Variants in SPTBN1 observed in about 807,000 individuals in gnomAD.
SPTBN1 encodes the protein spectrin beta, non-erythrocytic 1.
A neutral mutation model predicts 266.4 loss-of-function variants in SPTBN1; 32 were observed. The observed-to-expected ratio is 0.12, with a 90% CI of 0.09 to 0.16. The LOEUF (loss-of-function observed/expected upper bound fraction) is 0.16. Among genes scored for constraint, SPTBN1 ranks in the 10% least tolerant of loss-of-function variants. The pLI is 1.00. For synonymous variants in SPTBN1, 1,336 were observed against 1,162.2 expected (o/e 1.15, Z -3.04); for missense variants, 2,296 against 3,067.1 (o/e 0.75, Z 5.94).
At chr2:54,615,669 T>C (rs1441377983) in intron 4 of SPTBN1, among the ~76,000 whole-genome samples, 1 of 152,228 alleles carries the variant, frequency 6.6e-6, no homozygotes, top group Non-Finnish European at 1.5e-5. Context: ...AGTCTGACTT[T>C]GGTGCCAGCC....
chr2:54,572,021 C>A (rs962496711), intron 2 of SPTBN1, among the ~76,000 whole-genome samples: 1 of 152,160 alleles, frequency 6.6e-6, no homozygotes, highest in Admixed American at 6.5e-5. Flanking sequence ...AACCTCCCCT[C>A]ATCCCCTTAA....
chr2:54,602,193 G>T (rs967536131), intron 3 of SPTBN1, among the ~76,000 whole-genome samples: 5 of 152,122 alleles, frequency 3.3e-5, no homozygotes, highest in African/African-American at 9.7e-5. Context: ...CTCCATAAAG[G>T]TCTCACTTGA....
At chr2:54,479,177 CAG>C (rs1460206544) in intron 1 of SPTBN1, among the ~76,000 whole-genome samples, 4 of 152,152 alleles carry the variant, frequency 2.6e-5, no homozygotes, top group African/African-American at 9.7e-5. Context: ...AGGCTGACTG[CAG>C]AGTCTTCTCT....
At chr2:54,622,264 C>CA in intron 8 of SPTBN1, 36 bp from the exon 9 acceptor site, 1 of 1,600,888 alleles carries the variant, frequency 6.2e-7, no homozygotes, top group Non-Finnish European at 8.5e-7. Flanking sequence ...TATGGAGTGA[C>CA]ATGATCTTTT....
At chr2:54,547,883 A>G (rs958361992) in intron 2 of SPTBN1, among the ~76,000 whole-genome samples, 2 of 151,906 alleles carry the variant, frequency 1.3e-5, no homozygotes, top group African/African-American at 2.4e-5. Context: ...GGTGGCTCAC[A>G]CCTGTAATCC....
intron 2 of SPTBN1, among the ~76,000 whole-genome samples, chr2:54,542,942 T>C (rs932547100): frequency 3.3e-5 from 5 of 152,252 alleles, no homozygotes; most frequent in African/African-American, 1.2e-4. Context: ...TTTAGGATTA[T>C]GTTTTTCTTA....
chr2:54,538,001 C>T (rs1671709837), intron 2 of SPTBN1, among the ~76,000 whole-genome samples: 1 of 152,112 alleles, frequency 6.6e-6, no homozygotes, highest in Non-Finnish European at 1.5e-5. Context: ...GGAAAGTTTG[C>T]TGGGAAGATG....
intron 26 of SPTBN1, chr2:54,652,508 A>G (rs1276793830): frequency 6.6e-6 from 1 of 152,106 alleles, no homozygotes; most frequent in Non-Finnish European, 1.5e-5. Flanking sequence ...CTTTATTTTC[A>G]GTCTTTTGCT....
At chr2:54,457,724 C>T (rs1693135191) in intron 1 of SPTBN1, among the ~76,000 whole-genome samples, 1 of 152,226 alleles carries the variant, frequency 6.6e-6, no homozygotes, top group Non-Finnish European at 1.5e-5. Flanking sequence ...CGGGGCTGCC[C>T]TTGGCCGAGG....
At chr2:54,654,959 CAGTTTCTTTCAAGGCCAT>C (rs774076270) in intron 27 of SPTBN1, 93 bp from the exon 28 acceptor site, 4 of 614,750 alleles carry the variant, frequency 6.5e-6, no homozygotes, top group Non-Finnish European at 9.1e-6. Flanking sequence ...GAAAGACCAT[CAGTTTCTTTCAAGGCCAT>C]CAGTTTCTTT....
rs780631106 is a variant in SPTBN1, at chr2:54,492,341, G to GTTTTTTTTTTTTTTTT, written c.-47-34024_-47-34023insTTTTTTTTTTTTTTTT. 3.4e-5 allele frequency among the ~76,000 whole-genome samples: 3 copies of GTTTTTTTTTTTTTTTT among 88,392 alleles called. 1 individual carries two copies. Among genetic ancestry groups the GTTTTTTTTTTTTTTTT allele is most frequent in the African/African-American group, 8.3e-5 (2 of 24,132 alleles). 58.0% of individuals were successfully genotyped at this position (88,392 alleles called of 152,430 possible). A position where few individuals can be genotyped will look rare whatever the true frequency, so the allele number is the denominator to read the frequency against. On this transcript the variant is annotated intron_variant, in intron 1 of 35. Coordinates refer to ENST00000356805, the MANE Select transcript of SPTBN1 (RefSeq NM_003128.3). ...CTGGACATTTAGTTTGTCTGCAGTTGTTTTTTTGTTTTTTTTTTTTTTTGC... is the reference window on the plus strand; with the variant it reads ...CTGGACATTTAGTTTGTCTGCAGTTGTTTTTTTTTTTTTTTTTTTTTTTGTTTTTTTTTTTTTTTGC...
Position 54,659,138 on chromosome 2 carries a change from C to G in SPTBN1, c.6244-16C>G, listed in dbSNP as rs769271952. ...GAGTTTGGGACTCTACCAAACATCA[C>G]TCTATTTTCTCTTAGTTGGAGTTAC... On this transcript the variant is annotated splice_polypyrimidine_tract_variant and intron_variant, in intron 30 of 35. Transcript: ENST00000356805. The G allele has an allele frequency of 6.2e-7, 1 of 1,613,224 alleles. No individual in the cohort carries two copies. The highest frequency in any genetic ancestry group is 1.7e-5 in the Admixed American group (1 of 59,998).
At chr2:54,598,997 C>T in intron 2 of SPTBN1, 95 bp from the exon 3 acceptor site, 1 of 1,470,244 alleles carries the variant, frequency 6.8e-7, no homozygotes, top group Non-Finnish European at 9.2e-7. Flanking sequence ...GTTTTGCTGA[C>T]CTTCCTCTGG....
chr2:54,477,715 C>T lies in SPTBN1; in HGVS notation c.-48+21197C>T, dbSNP rs142632344. Among the ~76,000 whole-genome samples, 940 of 152,208 alleles carry T rather than the reference C, an allele frequency of 6.2e-3. 8 individuals carry two copies. The highest frequency in any genetic ancestry group is 0.021 in the African/African-American group (883 of 41,514). On this transcript the variant is annotated intron_variant, in intron 1 of 35. Transcript: ENST00000356805. The stretch of plus-strand genomic sequence containing the variant: ...GAGCACGAGGTCAGGAGTTCGAGAC[C>T]AGCCTGGCTAATATGGTGAAACCCC...
chr2:54,523,923 G>A (rs764980477), intron 1 of SPTBN1, among the ~76,000 whole-genome samples: 1 of 152,226 alleles, frequency 6.6e-6, no homozygotes, highest in Non-Finnish European at 1.5e-5. Flanking sequence ...ATAACAGCCG[G>A]GCATGGTGGC....
chr2:54,502,167 T>TA (rs1332648131), intron 1 of SPTBN1, among the ~76,000 whole-genome samples: 1 of 152,140 alleles, frequency 6.6e-6, no homozygotes, highest in Admixed American at 6.5e-5. Flanking sequence ...CCCCTGCCAA[T>TA]AGTGAGACTG....
chr2:54,651,605 G>C (rs1680296307), intron 26 of SPTBN1, among the ~76,000 whole-genome samples: 1 of 152,184 alleles, frequency 6.6e-6, no homozygotes, highest in Non-Finnish European at 1.5e-5. Context: ...GTCTTGAGTG[G>C]TTATGCAAAG....
At chr2:54,499,400 C>G (rs1027768481) in intron 1 of SPTBN1, among the ~76,000 whole-genome samples, 2 of 152,136 alleles carry the variant, frequency 1.3e-5, no homozygotes, top group African/African-American at 2.4e-5. Context: ...CCCCAACATT[C>G]ATGTAGTACT....
At chr2:54,511,510 G>GATGATTGA (rs1669857269) in intron 1 of SPTBN1, among the ~76,000 whole-genome samples, 1 of 152,160 alleles carries the variant, frequency 6.6e-6, no homozygotes, top group African/African-American at 2.4e-5. Flanking sequence ...ATGGTTTCGG[G>GATGATTGA]ATGATTGAAG....
Sources: allele counts gnomAD v4.1 joint callset (sites outside exome capture counted in the v4.1 genomes callset), GRCh38; gene constraint gnomAD v4.1.1; transcripts MANE v1.5; gene names NCBI Gene and HGNC (gene_info 2026-07-23, HGNC 2026-07-21).